CHST11: variants seen among roughly 807,000 people sequenced by gnomAD.
CHST11 encodes the protein C4S-1.
Under a neutral mutation model 30.4 loss-of-function variants are expected in CHST11, and 9 were observed. That is an observed-to-expected ratio of 0.30 (90% CI 0.18 to 0.52). The LOEUF is 0.52. CHST11 is among the 20% of genes least tolerant of loss of function. CHST11 has a pLI of 0.97. For synonymous variants in CHST11, 152 were observed against 187.8 expected, an observed-to-expected ratio of 0.81 and a Z score of 1.56; for missense variants, 348 against 460.6, an observed-to-expected ratio of 0.76 and a Z score of 2.24.
intron 1 of CHST11, among the ~76,000 whole-genome samples, chr12:104,532,028 C>A (rs539730922): frequency 1.3e-5 from 2 of 152,368 alleles, no homozygotes; most frequent in African/African-American, 4.8e-5. Flanking sequence ...GGGCTCTGGG[C>A]AGCTGCACTC....
At chr12:104,597,440 C>A (rs775727104) in intron 1 of CHST11, among the ~76,000 whole-genome samples, 1 of 151,926 alleles carries the variant, frequency 6.6e-6, no homozygotes, top group South Asian at 2.1e-4. Flanking sequence ...ATTTCTTTTG[C>A]GGGGCTTTTG....
At chr12:104,746,703 A>T (rs1359859712) in intron 2 of CHST11, among the ~76,000 whole-genome samples, 1 of 152,256 alleles carries the variant, frequency 6.6e-6, no homozygotes. Context: ...AATTTCCCTG[A>T]CAACGTTAAT....
intron 2 of CHST11, among the ~76,000 whole-genome samples, chr12:104,618,483 C>T (rs905196001): frequency 3.3e-5 from 5 of 152,096 alleles, no homozygotes; most frequent in East Asian, 1.9e-4. Flanking sequence ...AGTTCTCCTG[C>T]GTTGGCCTCC....
intron 2 of CHST11, among the ~76,000 whole-genome samples, chr12:104,644,126 T>A (rs1434369632): frequency 4.6e-5 from 7 of 152,176 alleles, no homozygotes; most frequent in Admixed American, 6.5e-5. Context: ...GAGGGACTTC[T>A]GCTTCCTCCT....
intron 2 of CHST11, among the ~76,000 whole-genome samples, chr12:104,642,963 A>G (rs2039391764): frequency 6.6e-6 from 1 of 152,216 alleles, no homozygotes; most frequent in African/African-American, 2.4e-5. Context: ...ATTTTAAGGA[A>G]CACATTGTCA....
intron 2 of CHST11, among the ~76,000 whole-genome samples, chr12:104,738,170 C>A (rs546941838): frequency 6.6e-6 from 1 of 152,170 alleles, no homozygotes; most frequent in Non-Finnish European, 1.5e-5. Context: ...CCAGACCCCG[C>A]GGGCTCATCC....
intron 1 of CHST11, among the ~76,000 whole-genome samples, chr12:104,547,119 C>T (rs139347181): frequency 2.0e-5 from 3 of 152,322 alleles, no homozygotes; most frequent in African/African-American, 7.2e-5. Context: ...GTTTATAGTG[C>T]AGTGCCAGTA....
At chr12:104,535,563 C>T (rs1237187549) in intron 1 of CHST11, among the ~76,000 whole-genome samples, 2 of 152,164 alleles carry the variant, frequency 1.3e-5, no homozygotes, top group African/African-American at 4.8e-5. Context: ...GGAACATAAA[C>T]CTTACATTGT....
intron 1 of CHST11, among the ~76,000 whole-genome samples, chr12:104,574,738 T>C (rs1258169983): frequency 6.6e-6 from 1 of 151,732 alleles, no homozygotes; most frequent in Non-Finnish European, 1.5e-5. Flanking sequence ...GGGATAGCAT[T>C]AGGAGATATA....
chr12:104,692,393 T>C (rs909848413), intron 2 of CHST11, among the ~76,000 whole-genome samples: 1 of 152,234 alleles, frequency 6.6e-6, no homozygotes, highest in African/African-American at 2.4e-5. Context: ...GCTAACACTT[T>C]CATAGCATTT....
intron 2 of CHST11, among the ~76,000 whole-genome samples, chr12:104,693,848 T>C (rs997708023): frequency 3.3e-5 from 5 of 152,188 alleles, no homozygotes; most frequent in African/African-American, 1.2e-4. Flanking sequence ...GGCACACCCC[T>C]ACTCTCTGGG....
At chr12:104,568,261 G>T (rs542597170) in intron 1 of CHST11, among the ~76,000 whole-genome samples, 1 of 152,176 alleles carries the variant, frequency 6.6e-6, no homozygotes, top group Non-Finnish European at 1.5e-5. Context: ...GCTGCAGTGT[G>T]TTGTTGCTGC....
chr12:104,646,394 T>C (rs1279866674), intron 2 of CHST11, among the ~76,000 whole-genome samples: 2 of 152,178 alleles, frequency 1.3e-5, no homozygotes, highest in Non-Finnish European at 2.9e-5. Context: ...CCTAAACTGA[T>C]TTCTCATGGA....
Position 104,464,047 on chromosome 12 carries a change from A to T in CHST11, c.118+6518A>T, listed in dbSNP as rs538921347. ...GTGGAAGCAATGTAGCAAGATTGAA[A>T]ATGAAGTCTCCTACTTGCACTTTTT... On this transcript the variant is annotated intron_variant, in intron 1 of 2. Coordinates refer to ENST00000303694, the MANE Select transcript of CHST11 (RefSeq NM_018413.6). Among the ~76,000 whole-genome samples, 5 of 151,406 alleles carry T rather than the reference A, an allele frequency of 3.3e-5. No homozygotes were observed. In the East Asian group the frequency reaches 9.7e-4, roughly 29 times the overall value.
At chr12:104,717,644 G>A (rs1276435843) in intron 2 of CHST11, among the ~76,000 whole-genome samples, 3 of 152,258 alleles carry the variant, frequency 2.0e-5, no homozygotes, top group African/African-American at 4.8e-5. Flanking sequence ...GGTGGTAGGC[G>A]CCTGTAGTCC....
intron 2 of CHST11, among the ~76,000 whole-genome samples, chr12:104,658,517 C>T (rs1199956647): frequency 6.6e-6 from 1 of 152,224 alleles, no homozygotes; most frequent in Non-Finnish European, 1.5e-5. Flanking sequence ...GGGGTTAGTA[C>T]CTCAGCATGT....
chr12:104,679,527 A>G (rs187665578), intron 2 of CHST11, among the ~76,000 whole-genome samples: 6 of 152,158 alleles, frequency 3.9e-5, no homozygotes, highest in Admixed American at 3.9e-4. Context: ...GAGAAGGAAG[A>G]GTTGGGAATG....
At chr12:104,477,672 A>G (rs1451342576) in intron 1 of CHST11, among the ~76,000 whole-genome samples, 1 of 152,128 alleles carries the variant, frequency 6.6e-6, no homozygotes, top group Non-Finnish European at 1.5e-5. Flanking sequence ...ACCTTTCCAG[A>G]CACCAAATCT....
At position 104,687,858 on chromosome 12, in the gene CHST11, G is replaced by A. The variant is rs141296197; in HGVS notation, c.205-69091G>A. Among the ~76,000 whole-genome samples the A allele has an allele frequency of 2.6e-3, 392 of 152,034 alleles. 1 individual carries two copies. The highest frequency in any genetic ancestry group is 8.9e-3 in the African/African-American group (367 of 41,450). On this transcript the variant is annotated intron_variant, in intron 2 of 2. Coordinates refer to ENST00000303694, the MANE Select transcript of CHST11 (RefSeq NM_018413.6). ...TATTTCCTGGAGAAATACTCCAGAT[G>A]CAGTTTTCTGGTACAAGGGAAGCTG...
Sources: allele counts gnomAD v4.1 joint callset (sites outside exome capture counted in the v4.1 genomes callset), GRCh38; gene constraint gnomAD v4.1.1; transcripts MANE v1.5; gene names NCBI Gene and HGNC (gene_info 2026-07-23, HGNC 2026-07-21).